Variants in PLEKHA1 observed in about 807,000 individuals in gnomAD.
PLEKHA1 encodes pleckstrin homology domain containing A1.
A neutral mutation model predicts 52.0 loss-of-function variants in PLEKHA1; 34 were observed. The ratio of observed to expected loss-of-function variants is 0.65; its 90% CI spans 0.50 to 0.87. The LOEUF is 0.87. Ranked by LOEUF, PLEKHA1 falls within the 40% of genes least tolerant of loss-of-function variation. The pLI is 0.00. For missense variants in PLEKHA1, 497 were observed against 504.2 expected (o/e 0.99, Z 0.14); for synonymous variants, 163 against 170.7 (o/e 0.95, Z 0.35).
At chr10:122,387,901 C>T (rs1440005548) in intron 1 of PLEKHA1, 5 of 152,106 alleles carry the variant, frequency 3.3e-5, no homozygotes, top group Non-Finnish European at 7.3e-5. Context: ...TGAGTTTTTT[C>T]AAGTAGATAA....
chr10:122,401,992 A>G (rs576873107), intron 4 of PLEKHA1, among the ~76,000 whole-genome samples: 1 of 152,330 alleles, frequency 6.6e-6, no homozygotes, highest in South Asian at 2.1e-4. Flanking sequence ...AGCTATTTTT[A>G]AAAGTTACAT....
chr10:122,375,975 A>C (rs1176009351), intron 1 of PLEKHA1, among the ~76,000 whole-genome samples: 1 of 152,208 alleles, frequency 6.6e-6, no homozygotes. Context: ...ATAGTGCACT[A>C]TGAGGTTTAC....
intron 1 of PLEKHA1, chr10:122,386,540 C>A (rs550415749): frequency 6.6e-6 from 1 of 152,128 alleles, no homozygotes; most frequent in African/African-American, 2.4e-5. Context: ...TGTGTCTTAT[C>A]TAAGAAATAT....
At chr10:122,395,927 A>G (rs2096843479) in intron 2 of PLEKHA1, among the ~76,000 whole-genome samples, 2 of 152,162 alleles carry the variant, frequency 1.3e-5, no homozygotes, top group South Asian at 4.1e-4. Flanking sequence ...GGAACTCATA[A>G]TCAACAAATG....
intron 5 of PLEKHA1, among the ~76,000 whole-genome samples, chr10:122,409,329 G>A (rs566369574): frequency 2.0e-5 from 3 of 152,204 alleles, no homozygotes; most frequent in African/African-American, 7.2e-5. Flanking sequence ...CGCACAAAAA[G>A]GAAAAGAGCA....
chr10:122,389,952 A>G (rs2096753948), intron 1 of PLEKHA1, among the ~76,000 whole-genome samples: 1 of 152,194 alleles, frequency 6.6e-6, no homozygotes, highest in South Asian at 2.1e-4. Flanking sequence ...TAGAACTGTG[A>G]AAGTCCTAGA....
chr10:122,440,360 C>T, the PLEKHA1 span: 1 of 152,224 alleles, frequency 6.6e-6, no homozygotes, highest in Non-Finnish European at 1.5e-5. Context: ...CACAGTGCTT[C>T]TGTGTATATC....
chr10:122,424,146 T>C, intron 8 of PLEKHA1, 53 bp from the exon 9 acceptor site: 1 of 1,519,900 alleles, frequency 6.6e-7, no homozygotes, highest in Non-Finnish European at 8.8e-7. Context: ...TTTGAAAGGA[T>C]TTTAAGAATA....
intron 1 of PLEKHA1, among the ~76,000 whole-genome samples, chr10:122,389,801 CTT>C (rs999033069): frequency 1.3e-5 from 2 of 152,174 alleles, no homozygotes; most frequent in African/African-American, 4.8e-5. Flanking sequence ...GCAGAGTAGA[CTT>C]TGCATAATTC....
chr10:122,429,776 C>T lies in PLEKHA1; in HGVS notation c.1053C>T (p.Val351=), dbSNP rs1422472930. Residue 351 remains valine (V), a synonymous_variant, in exon 12 of 12, where the codon GTC becomes GTT. Transcript: ENST00000368990. ...KRGFYESLAK[V]KPGNFKVQTV... ...GATTTTACGAGTCTCTTGCCAAGGTCAAGCCAGGGAACTTCAAGGTCCAGA... is the reference window on the plus strand; with the variant it reads ...GATTTTACGAGTCTCTTGCCAAGGTTAAGCCAGGGAACTTCAAGGTCCAGA... 1 of 1,614,098 alleles carries T rather than the reference C, an allele frequency of 6.2e-7. No individual in the cohort carries two copies. Among genetic ancestry groups the T allele is most frequent in the Non-Finnish European group, 8.5e-7 (1 of 1,180,054 alleles).
chr10:122,398,852 T>G (rs998167400), intron 3 of PLEKHA1, among the ~76,000 whole-genome samples: 9 of 152,116 alleles, frequency 5.9e-5, no homozygotes, highest in African/African-American at 2.2e-4. Flanking sequence ...AGGTATTCAT[T>G]CTCATTGACC....
rs2096668674 is a variant in PLEKHA1, at chr10:122,384,987, G to C, written c.-20-8194G>C. Among the ~76,000 whole-genome samples, 6 of 152,134 alleles carry C rather than the reference G, an allele frequency of 3.9e-5. No individual in the cohort carries two copies. The South Asian group carries it at 1.0e-3, about 26-fold the overall frequency. On this transcript the variant is annotated intron_variant, in intron 1 of 11. Transcript: ENST00000368990. ...AAGAATTTTTTTTTAAATTGGTACT[G>C]GATTTTTAACCTTTTGAAGTTACAT...
At chr10:122,389,510 G>A (rs2096746846) in intron 1 of PLEKHA1, among the ~76,000 whole-genome samples, 1 of 152,206 alleles carries the variant, frequency 6.6e-6, no homozygotes, top group Admixed American at 6.5e-5. Flanking sequence ...GAGCAGCCCG[G>A]CCAATGTGGT....
chr10:122,415,082 TA>T (rs1361954115), intron 6 of PLEKHA1, among the ~76,000 whole-genome samples: 3 of 152,088 alleles, frequency 2.0e-5, no homozygotes, highest in Non-Finnish European at 2.9e-5. Flanking sequence ...GGTGAACAGT[TA>T]AACAACTGGT....
At chr10:122,394,509 T>G (rs913890804) in intron 2 of PLEKHA1, among the ~76,000 whole-genome samples, 3 of 152,174 alleles carry the variant, frequency 2.0e-5, no homozygotes, top group African/African-American at 4.8e-5. Context: ...CCAGTAGGCT[T>G]CTCGTGTGGG....
the PLEKHA1 span, chr10:122,439,183 G>A: frequency 6.6e-6 from 1 of 152,114 alleles, no homozygotes; most frequent in Non-Finnish European, 1.5e-5. Context: ...TGTTAATCCA[G>A]TTCTCAATAT....
chr10:122,429,471 C>T (rs2133723930), intron 11 of PLEKHA1, among the ~76,000 whole-genome samples, 153 bp from the exon 12 acceptor site: 1 of 150,416 alleles, frequency 6.6e-6, no homozygotes, highest in African/African-American at 2.5e-5. Context: ...CACATTTATG[C>T]TGCATGGCTT....
chr10:122,430,995 C>T lies in PLEKHA1; in HGVS notation c.*1057C>T, dbSNP rs2133762051. On this transcript the variant is annotated 3_prime_UTR_variant, in exon 12 of 12. Coordinates refer to ENST00000368990, the MANE Select transcript of PLEKHA1 (RefSeq NM_001001974.4). ...ATACCAGAATGCTGGTATTCTACTACTTGTGCAATATATATGTTTTAAAAA... is the reference window on the plus strand; with the variant it reads ...ATACCAGAATGCTGGTATTCTACTATTTGTGCAATATATATGTTTTAAAAA... 1 of 152,704 alleles carries T rather than the reference C, an allele frequency of 6.5e-6. No individual in the cohort carries two copies. Among genetic ancestry groups the T allele is most frequent in the South Asian group, 2.1e-4 (1 of 4,828 alleles). The allele number at this position is 152,704 out of a possible 1,614,324, so 9.5% of individuals were successfully genotyped here.
chr10:122,418,280 A>G (rs2097207657), intron 8 of PLEKHA1: 1 of 227,506 alleles, frequency 4.4e-6, no homozygotes, highest in Non-Finnish European at 8.6e-6. Flanking sequence ...GAGTAGGGAG[A>G]GAAGGGCATC....
Sources: allele counts gnomAD v4.1 joint callset (sites outside exome capture counted in the v4.1 genomes callset), GRCh38; gene constraint gnomAD v4.1.1; transcripts MANE v1.5; gene names NCBI Gene and HGNC (gene_info 2026-07-23, HGNC 2026-07-21).